Variants in IL22RA2 observed in about 807,000 individuals in gnomAD.
The protein encoded by IL22RA2 is interleukin 22 receptor subunit alpha 2, also known as interleukin-22 receptor subunit alpha-2.
Under a neutral mutation model 30.7 loss-of-function variants are expected in IL22RA2, and 39 were observed. That is an observed-to-expected ratio of 1.27 (90% CI 0.98 to 1.66). IL22RA2 has a LOEUF of 1.66. IL22RA2 is among the 40% of genes most tolerant of loss of function. The probability of loss-of-function intolerance (pLI) is 0.00; values close to 1 mark genes in which losing one functional copy is unlikely to be tolerated. For missense variants in IL22RA2, 315 were observed against 312.7 expected (o/e 1.01, Z -0.05); for synonymous variants, 103 against 105.0 (o/e 0.98, Z 0.11).
intron 3 of IL22RA2, 27 bp downstream of exon 3, chr6:137,158,320 C>A: frequency 6.2e-7 from 1 of 1,612,780 alleles, no homozygotes; most frequent in East Asian, 2.2e-5. Flanking sequence ...CCATCTCTAT[C>A]AGCTGAAGGA....
Position 137,155,082 on chromosome 6 carries a change from A to G in IL22RA2, c.331T>C (p.Trp111Arg). The G allele has an allele frequency of 6.2e-7, 1 of 1,601,624 alleles. No individual in the cohort carries two copies. Among genetic ancestry groups the G allele is most frequent in the Non-Finnish European group, 8.5e-7 (1 of 1,173,472 alleles). Residue 111 changes from tryptophan to arginine, a missense_variant, in exon 5 of 7, where the codon TGG (tryptophan) becomes CGG (arginine). Coordinates refer to ENST00000296980, the MANE Select transcript of IL22RA2 (RefSeq NM_052962.3). ...QRQWKNKEDC[W>R]GTQELSCDLT... ...TCACAAGAGAGTTCTTGAGTACCCC[A>G]ACAGTCTTCTTTATTTTTCCATTGT...
Position 137,161,834 on chromosome 6 carries a change from A to G in IL22RA2, c.-65-20T>C, listed in dbSNP as rs1425694755. The G allele has an allele frequency of 2.0e-6, 2 of 1,022,864 alleles. No homozygotes were observed. The highest frequency in any genetic ancestry group is 1.5e-6 in the Non-Finnish European group (1 of 662,632). The allele number at this position is 1,022,864 out of a possible 1,614,324, so 63.4% of individuals were successfully genotyped here. ...AGGAAACTGTAAAATCCACAAACAG[A>G]CAATCACTCCCGGGTTTAAGGCAGA... On this transcript the variant is annotated intron_variant, in intron 1 of 6. Coordinates refer to ENST00000296980, the MANE Select transcript of IL22RA2 (RefSeq NM_052962.3).
rs1778163207 is a variant in IL22RA2, at chr6:137,145,670, T to C, written c.746A>G (p.Asp249Gly). Residue 249 changes from aspartate to glycine, a missense_variant, in exon 7 of 7, where the codon GAC becomes GGC. Asp to Gly is a moderately conservative substitution (Grantham distance 94, BLOSUM62 -1). Coordinates refer to ENST00000296980, the MANE Select transcript of IL22RA2 (RefSeq NM_052962.3). ...VVAEIYQPML[D>G]RRSQRSEERC... is the part of the protein sequence containing the mutation. Reference sequence around the variant, plus strand: ...CTCTTCACTTCTCTGACTTCTTCTGTCTAACATGGGCTGATATATTTCAGC... The same window carrying C: ...CTCTTCACTTCTCTGACTTCTTCTGCCTAACATGGGCTGATATATTTCAGC... 1 of 1,612,666 alleles carries C rather than the reference T, an allele frequency of 6.2e-7. No homozygotes were observed. Among genetic ancestry groups the C allele is most frequent in the African/African-American group, 1.3e-5 (1 of 74,898 alleles).
chr6:137,145,741 C>T lies in IL22RA2; in HGVS notation c.675G>A (p.Ala225=), dbSNP rs370991282. 256 of 1,613,894 alleles carry T rather than the reference C, an allele frequency of 1.6e-4. No homozygotes were observed. Among genetic ancestry groups the T allele is most frequent in the Non-Finnish European group, 2.0e-4 (231 of 1,179,912 alleles). The part of the protein sequence containing the change: ...EQKVYEGAHR[A]VEIEALTPHS... ...GTGGTGTTAGAGCTTCAATTTCAAC[C>T]GCTCTGTGAGCCCCTTCATAAACCT... The change falls in exon 7 of 7, where the codon GCG becomes GCA. Residue 225 remains alanine, a synonymous_variant. Coordinates refer to ENST00000296980, the MANE Select transcript of IL22RA2 (RefSeq NM_052962.3).
At position 137,155,152 on chromosome 6, in the gene IL22RA2, C is replaced by CT. The variant is rs761025064; in HGVS notation, c.294-34dup. ...AGGGAAAAGGCAAAGATCTGAGTTT[C>CT]TTTTCTCCACTCAAGGAGTCTTCAG... On this transcript the variant is annotated intron_variant, in intron 4 of 6. Coordinates refer to ENST00000296980, the MANE Select transcript of IL22RA2 (RefSeq NM_052962.3). 6.1e-6 allele frequency: 9 copies of CT among 1,468,068 alleles called. No individual in the cohort carries two copies. The South Asian group carries it at 1.2e-4, about 20-fold the overall frequency. The allele number at this position is 1,468,068 out of a possible 1,614,324, so 90.9% of individuals were successfully genotyped here.
chr6:137,153,655 T>C (rs1778339907), intron 5 of IL22RA2, among the ~76,000 whole-genome samples: 1 of 152,064 alleles, frequency 6.6e-6, no homozygotes. Context: ...AAAAAGAAAA[T>C]GAGGTTCTTA....
Position 137,155,077 on chromosome 6 carries a change from A to G in IL22RA2, c.336T>C (p.Gly112=). 1 of 1,604,994 alleles carries G rather than the reference A, an allele frequency of 6.2e-7. No homozygotes were observed. Among genetic ancestry groups the G allele is most frequent in the Non-Finnish European group, 8.5e-7 (1 of 1,175,144 alleles). The stretch of plus-strand genomic sequence containing the variant: ...TAAGGTCACAAGAGAGTTCTTGAGT[A>G]CCCCAACAGTCTTCTTTATTTTTCC... ...RQWKNKEDCW[G]TQELSCDLTS... Residue 112 remains glycine (G), a synonymous_variant, in exon 5 of 7, where the codon GGT becomes GGC. Coordinates refer to ENST00000296980, the MANE Select transcript of IL22RA2 (RefSeq NM_052962.3).
rs1778154682 is a variant in IL22RA2, at chr6:137,145,315, A to G, written c.*309T>C. 4.8e-6 allele frequency: 1 copy of G among 210,394 alleles called. No homozygotes were observed. Among genetic ancestry groups the G allele is most frequent in the South Asian group, 1.0e-4 (1 of 9,532 alleles). The allele number at this position is 210,394 out of a possible 1,614,324, so 13.0% of individuals were successfully genotyped here. A position where few individuals can be genotyped will look rare whatever the true frequency, so the allele number is the denominator to read the frequency against. ...GGTTGTTAAATTTTTATTTTGCTGTATTAGAAGAATGAAGGTTGTTATTAG... is the reference window on the plus strand; with the variant it reads ...GGTTGTTAAATTTTTATTTTGCTGTGTTAGAAGAATGAAGGTTGTTATTAG... On this transcript the variant is annotated 3_prime_UTR_variant, in exon 7 of 7. Coordinates refer to ENST00000296980, the MANE Select transcript of IL22RA2 (RefSeq NM_052962.3).
In IL22RA2 at chr6:137,144,858, C is replaced by A. The variant is rs1210874774; in HGVS notation, c.*766G>T. ...TTAATTTTGAGAATAAAGATAAGTT[C>A]TTCTAAGACAGGATTAAAAACTAAA... On this transcript the variant is annotated 3_prime_UTR_variant, in exon 7 of 7. Coordinates refer to ENST00000296980, the MANE Select transcript of IL22RA2 (RefSeq NM_052962.3). The A allele has an allele frequency of 1.3e-5, 2 of 152,116 alleles. No individual in the cohort carries two copies. The highest frequency in any genetic ancestry group is 2.9e-5 in the Non-Finnish European group (2 of 68,012). The allele number at this position is 152,116 out of a possible 1,614,324, so 9.4% of individuals were successfully genotyped here.
intron 1 of IL22RA2, among the ~76,000 whole-genome samples, chr6:137,171,622 C>G (rs768814540): frequency 6.6e-6 from 1 of 152,212 alleles, no homozygotes; most frequent in Non-Finnish European, 1.5e-5. Context: ...TTTCTAGACA[C>G]TCGGGTGCCT....
chr6:137,172,873 T>G (rs1345777968), intron 1 of IL22RA2, among the ~76,000 whole-genome samples: 1 of 151,440 alleles, frequency 6.6e-6, no homozygotes, highest in Non-Finnish European at 1.5e-5. Flanking sequence ...ATTATTTTTA[T>G]TTTTTTTTAG....
At chr6:137,168,075 A>G (rs1778656777) in intron 1 of IL22RA2, among the ~76,000 whole-genome samples, 1 of 152,258 alleles carries the variant, frequency 6.6e-6, no homozygotes, top group Non-Finnish European at 1.5e-5. Flanking sequence ...TAATCATATT[A>G]GTAATACTGA....
At chr6:137,173,005 C>T (rs560926821) in intron 1 of IL22RA2, among the ~76,000 whole-genome samples, 1 of 152,182 alleles carries the variant, frequency 6.6e-6, no homozygotes, top group Admixed American at 6.5e-5. Flanking sequence ...AATTGGGTGT[C>T]AGGTTTATTA....
chr6:137,162,247 A>G lies in IL22RA2; in HGVS notation c.-65-433T>C, dbSNP rs768973741. On this transcript the variant is annotated intron_variant, in intron 1 of 6. Transcript: ENST00000296980. ...TATCGGGGCCCCTGGCAGTGGTTCA[A>G]AGCAAGAGGGGTCTATCGTTGATTC... 5.0e-4 allele frequency among the ~76,000 whole-genome samples: 76 copies of G among 152,180 alleles called. 1 individual carries two copies. Among genetic ancestry groups the G allele is most frequent in the Non-Finnish European group, 8.5e-4 (58 of 68,026 alleles).
At chr6:137,156,202 G>A (rs566578761) in intron 4 of IL22RA2, among the ~76,000 whole-genome samples, 2 of 152,268 alleles carry the variant, frequency 1.3e-5, no homozygotes, top group East Asian at 1.9e-4. Context: ...GAAGATTCAC[G>A]CTTTGTTTCC....
chr6:137,158,663 G>A (rs563385239), intron 2 of IL22RA2, among the ~76,000 whole-genome samples, 181 bp from the exon 3 acceptor site: 34 of 152,264 alleles, frequency 2.2e-4, no homozygotes, highest in Admixed American at 6.5e-4. Flanking sequence ...TTTGATGCAC[G>A]CTAAAGTCTC....
chr6:137,158,016 A>G (rs1778444951), intron 3 of IL22RA2, among the ~76,000 whole-genome samples: 2 of 152,162 alleles, frequency 1.3e-5, no homozygotes, highest in Admixed American at 6.5e-5. Context: ...AGTACTCGCT[A>G]TGTGCTAATA....
At chr6:137,145,908 T>C in intron 6 of IL22RA2, 135 bp from the exon 7 acceptor site, 1 of 912,678 alleles carries the variant, frequency 1.1e-6, no homozygotes, top group Non-Finnish European at 1.7e-6. Flanking sequence ...GACACATCCT[T>C]CTTTTCTAGA....
At chr6:137,149,770 C>T (rs186092193) in intron 5 of IL22RA2, among the ~76,000 whole-genome samples, 1 of 152,296 alleles carries the variant, frequency 6.6e-6, no homozygotes, top group Non-Finnish European at 1.5e-5. Flanking sequence ...ACCTGCCTAC[C>T]TTTCCAGTCC....
Sources: allele counts gnomAD v4.1 joint callset (sites outside exome capture counted in the v4.1 genomes callset), GRCh38; gene constraint gnomAD v4.1.1; transcripts MANE v1.5; gene names NCBI Gene and HGNC (gene_info 2026-07-23, HGNC 2026-07-21).